The following CSMD1 variants were observed in gnomAD, a reference collection of about 807,000 sequenced individuals.
CSMD1 encodes CUB and sushi domain-containing protein 1.
In CSMD1, 213 loss-of-function variants were observed where a neutral mutation model predicts 417.5. The ratio of observed to expected loss-of-function variants is 0.51; its 90% CI spans 0.46 to 0.57. The LOEUF is 0.57. CSMD1 is among the 20% of genes least tolerant of loss of function. The probability of loss-of-function intolerance (pLI) is 0.00; values close to 1 mark genes in which losing one functional copy is unlikely to be tolerated. For synonymous variants in CSMD1, 2,862 were observed against 1,736.8 expected, an observed-to-expected ratio of 1.65 and a Z score of -16.11; for missense variants, 6,923 against 4,529.7, an observed-to-expected ratio of 1.53 and a Z score of -15.17.
intron 3 of CSMD1, among the ~76,000 whole-genome samples, chr8:4,314,016 AATAATAATAATAATAATAATG>A (rs1563438249): frequency 7.0e-6 from 1 of 142,576 alleles, no homozygotes; most frequent in African/African-American, 2.9e-5. Flanking sequence ...TCCGTCTCAA[AATAATAATAATAATAATAATG>A]ATAATAATAA....
intron 3 of CSMD1, among the ~76,000 whole-genome samples, chr8:4,217,639 G>A (rs1342050408): frequency 6.9e-6 from 1 of 145,918 alleles, no homozygotes; most frequent in Non-Finnish European, 1.5e-5. Context: ...TGAAAAAGTT[G>A]ACTCAGTTGA....
At chr8:4,135,989 C>T (rs1477377523) in intron 3 of CSMD1, among the ~76,000 whole-genome samples, 1 of 152,010 alleles carries the variant, frequency 6.6e-6, no homozygotes, top group African/African-American at 2.4e-5. Flanking sequence ...TAGTCATTTT[C>T]ATCACAAATT....
chr8:3,313,375 C>G (rs1199426679), intron 23 of CSMD1, among the ~76,000 whole-genome samples: 1 of 152,050 alleles, frequency 6.6e-6, no homozygotes, highest in Non-Finnish European at 1.5e-5. Context: ...ACTCATCTGA[C>G]AAAGGGCTAA....
intron 5 of CSMD1, among the ~76,000 whole-genome samples, chr8:3,860,598 T>A (rs1804634553): frequency 2.0e-5 from 3 of 152,182 alleles, no homozygotes; most frequent in African/African-American, 7.2e-5. Flanking sequence ...TTACACATCA[T>A]ATATGAACAT....
At chr8:3,815,177 T>C (rs1224414268) in intron 5 of CSMD1, among the ~76,000 whole-genome samples, 1 of 152,222 alleles carries the variant, frequency 6.6e-6, no homozygotes, top group Non-Finnish European at 1.5e-5. Flanking sequence ...TAAGTTTCTA[T>C]AGTCCCAGGT....
intron 12 of CSMD1, among the ~76,000 whole-genome samples, chr8:3,448,052 T>C (rs1036182526): frequency 2.0e-5 from 3 of 151,930 alleles, no homozygotes; most frequent in Non-Finnish European, 2.9e-5. Flanking sequence ...TCTTGTGTCA[T>C]ACACAGGATT....
chr8:3,194,217 A>C (rs956937311), intron 33 of CSMD1, among the ~76,000 whole-genome samples: 1 of 152,132 alleles, frequency 6.6e-6, no homozygotes, highest in African/African-American at 2.4e-5. Context: ...TGGAAAACCA[A>C]CTAAGCCATA....
At chr8:3,911,086 C>T (rs868530092) in intron 5 of CSMD1, among the ~76,000 whole-genome samples, 1 of 152,116 alleles carries the variant, frequency 6.6e-6, no homozygotes, top group African/African-American at 2.4e-5. Flanking sequence ...AAAATTCTGT[C>T]AAATCACCTT....
chr8:4,115,654 C>A (rs764441617), intron 3 of CSMD1, among the ~76,000 whole-genome samples: 1 of 152,072 alleles, frequency 6.6e-6, no homozygotes, highest in Non-Finnish European at 1.5e-5. Context: ...ATGTGCTTTG[C>A]CCATAATTGC....
rs74399299 is a variant in CSMD1 at position 3,589,312 on chromosome 8, C to T, written c.1098-3052G>A. 1.0e-2 allele frequency among the ~76,000 whole-genome samples: 1,513 copies of T among 152,054 alleles called. 24 individuals are homozygous for T. The highest frequency in any genetic ancestry group is 0.033 in the African/African-American group (1,368 of 41,440). On this transcript the variant is annotated intron_variant, in intron 8 of 69. Coordinates refer to ENST00000635120, the MANE Select transcript of CSMD1 (RefSeq NM_033225.6). ...CTCATAGTCACTGCAGCGTTACTCACAATAGCCAAGTCGTGGAATCAATGC... is the reference window on the plus strand; with the variant it reads ...CTCATAGTCACTGCAGCGTTACTCATAATAGCCAAGTCGTGGAATCAATGC...
chr8:4,427,229 C>T (rs193175594), intron 2 of CSMD1, among the ~76,000 whole-genome samples: 45 of 152,266 alleles, frequency 3.0e-4, no homozygotes, highest in Admixed American at 2.6e-3. Context: ...GAGAGGCACA[C>T]GCCGTGCCCT....
Position 4,305,069 on chromosome 8 carries a change from A to G in CSMD1, c.415+114884T>C, listed in dbSNP as rs1408891642. Among the ~76,000 whole-genome samples, 14 of 152,310 alleles carry G rather than the reference A, an allele frequency of 9.2e-5. No individual in the cohort carries two copies. In the East Asian group the frequency reaches 2.7e-3, roughly 29 times the overall value. ...TTCAACACAGGCACCTATTCGTTTT[A>G]GGGCACAGAATCACAACAGGTTCCA... On this transcript the variant is annotated intron_variant, in intron 3 of 69. Transcript: ENST00000635120.
In CSMD1 at chr8:3,928,349, G is replaced by C. The variant is rs149293167; in HGVS notation, c.818+69554C>G. 9.8e-3 allele frequency among the ~76,000 whole-genome samples: 1,472 copies of C among 150,856 alleles called. 21 individuals carry two copies. The highest frequency in any genetic ancestry group is 0.034 in the African/African-American group (1,391 of 41,352). Reference sequence around the variant, plus strand: ...TGCCAGGACTGAGTGGTAAACAAATGATATATTGCCCTTTTTAAAGTGCAT... The same window carrying C: ...TGCCAGGACTGAGTGGTAAACAAATCATATATTGCCCTTTTTAAAGTGCAT... On this transcript the variant is annotated intron_variant, in intron 5 of 69. Coordinates refer to ENST00000635120, the MANE Select transcript of CSMD1 (RefSeq NM_033225.6).
chr8:3,978,987 T>C (rs1375186046), intron 5 of CSMD1, among the ~76,000 whole-genome samples: 1 of 152,226 alleles, frequency 6.6e-6, no homozygotes, highest in East Asian at 1.9e-4. Context: ...GCTTGCATTT[T>C]ACAACAATTG....
chr8:4,615,895 T>G (rs1378354936), intron 2 of CSMD1, among the ~76,000 whole-genome samples: 1 of 152,198 alleles, frequency 6.6e-6, no homozygotes, highest in East Asian at 1.9e-4. Flanking sequence ...GATGAATTCA[T>G]AGCCCATAAC....
chr8:4,269,958 C>G (rs12056402), intron 3 of CSMD1, among the ~76,000 whole-genome samples: 29,593 of 152,086 alleles, frequency 0.19, 3,350 homozygotes, highest in East Asian at 0.52. Flanking sequence ...ACCACGACCT[C>G]TCTGAGGCAC....
At chr8:4,517,342 G>A (rs1441959701) in intron 2 of CSMD1, among the ~76,000 whole-genome samples, 1 of 152,192 alleles carries the variant, frequency 6.6e-6, no homozygotes, top group Non-Finnish European at 1.5e-5. Flanking sequence ...TGCACCAGTT[G>A]CTAATTTGCT....
chr8:4,856,567 G>A (rs1460212537), intron 1 of CSMD1, among the ~76,000 whole-genome samples: 5 of 141,038 alleles, frequency 3.5e-5, no homozygotes, highest in Non-Finnish European at 6.1e-5. Context: ...AAGGATGGAG[G>A]AAGATCTACC....
At chr8:4,325,063 C>G (rs945810364) in intron 3 of CSMD1, among the ~76,000 whole-genome samples, 5 of 152,086 alleles carry the variant, frequency 3.3e-5, no homozygotes, top group African/African-American at 9.7e-5. Context: ...AGTTACGCAT[C>G]CAGTGGAGCC....
Sources: gnomAD v4.1 joint callset for allele counts (sites outside exome capture counted in the v4.1 genomes callset) on GRCh38, gnomAD v4.1.1 for gene constraint, MANE v1.5 for transcripts, NCBI Gene and HGNC (gene_info 2026-07-23, HGNC 2026-07-21) for gene names.